The following SH3PXD2A variants were observed in gnomAD, a reference collection of about 807,000 sequenced individuals.
SH3PXD2A encodes SH3 and PX domain-containing protein 2A.
In SH3PXD2A, 32 loss-of-function variants were observed where a neutral mutation model predicts 115.2. The ratio of observed to expected loss-of-function variants is 0.28; its 90% confidence interval spans 0.21 to 0.37. The LOEUF (loss-of-function observed/expected upper bound fraction) is 0.37, where lower values mean the gene tolerates loss of function less well. Among genes scored for constraint, SH3PXD2A ranks in the 10% least tolerant of loss-of-function variants. The pLI is 1.00. For missense variants in SH3PXD2A, 1,328 were observed against 1,498.7 expected, an observed-to-expected ratio of 0.89 and a Z score of 1.88; for synonymous variants, 610 against 629.1, an observed-to-expected ratio of 0.97 and a Z score of 0.45.
chr10:103,659,480 T>G (rs1272539606), intron 8 of SH3PXD2A, among the ~76,000 whole-genome samples: 1 of 152,152 alleles, frequency 6.6e-6, no homozygotes, highest in Non-Finnish European at 1.5e-5. Context: ...CTTTGGGTCT[T>G]CAGGTACTGG....
At chr10:103,640,322 TAA>T (rs34209665) in intron 8 of SH3PXD2A, among the ~76,000 whole-genome samples, 39 of 145,248 alleles carry the variant, frequency 2.7e-4, no homozygotes, top group South Asian at 4.4e-4. Context: ...CTAAAAAAAT[TAA>T]AAAAAAAAAA....
At chr10:103,608,989 C>A (rs1051576055) in intron 13 of SH3PXD2A, 2 of 151,222 alleles carry the variant, frequency 1.3e-5, no homozygotes, top group East Asian at 1.9e-4. Flanking sequence ...CACACACATA[C>A]ACACACACAC....
At chr10:103,776,115 C>T (rs775032145) in intron 2 of SH3PXD2A, among the ~76,000 whole-genome samples, 3 of 152,074 alleles carry the variant, frequency 2.0e-5, no homozygotes, top group Non-Finnish European at 2.9e-5. Context: ...AGCCGGACAC[C>T]GTGGCTCATG....
At chr10:103,708,186 C>G (rs182215499) in intron 5 of SH3PXD2A, among the ~76,000 whole-genome samples, 138 of 152,354 alleles carry the variant, frequency 9.1e-4, no homozygotes, top group East Asian at 6.9e-3. Flanking sequence ...TTCCTGATAA[C>G]CTTTGTTGGC....
chr10:103,741,527 AT>A (rs370618276), intron 3 of SH3PXD2A, among the ~76,000 whole-genome samples: 25 of 152,252 alleles, frequency 1.6e-4, no homozygotes, highest in African/African-American at 6.0e-4. Context: ...GGGATCCCTG[AT>A]TTATAGCAAC....
chr10:103,662,361 G>GGGGT (rs2037321883), intron 7 of SH3PXD2A, among the ~76,000 whole-genome samples: 2 of 104,478 alleles, frequency 1.9e-5, no homozygotes, highest in African/African-American at 3.9e-5. Context: ...GGCGGGGGGG[G>GGGGT]ATAAGACACT....
At chr10:103,761,123 C>T (rs1293212164) in intron 3 of SH3PXD2A, among the ~76,000 whole-genome samples, 1 of 152,200 alleles carries the variant, frequency 6.6e-6, no homozygotes, top group African/African-American at 2.4e-5. Context: ...GCTTGTTTAA[C>T]AGCACTCTCC....
intron 5 of SH3PXD2A, among the ~76,000 whole-genome samples, chr10:103,704,156 G>A (rs1029550720): frequency 1.3e-5 from 2 of 152,178 alleles, no homozygotes; most frequent in African/African-American, 4.8e-5. Flanking sequence ...GAGAGGGAGG[G>A]ACTCTGGAAG....
chr10:103,818,039 T>C (rs920885948), intron 1 of SH3PXD2A, among the ~76,000 whole-genome samples: 5 of 152,256 alleles, frequency 3.3e-5, no homozygotes, highest in Admixed American at 3.3e-4. Context: ...AACCATTTAA[T>C]TGTACACTTC....
intron 1 of SH3PXD2A, among the ~76,000 whole-genome samples, chr10:103,833,176 T>C (rs1485494156): frequency 6.6e-6 from 1 of 152,234 alleles, no homozygotes; most frequent in Non-Finnish European, 1.5e-5. Flanking sequence ...GCCCTTTATG[T>C]TACGTCTTTT....
rs1350150953 is a variant in SH3PXD2A, at chr10:103,594,976, T to C, written c.*6840A>G. On this transcript the variant is annotated 3_prime_UTR_variant, in exon 15 of 15. Coordinates refer to ENST00000369774, the MANE Select transcript of SH3PXD2A (RefSeq NM_001394015.1). ...AGGTGGGTCCCTACTGTATGACCCA[T>C]TGTGGTCACTGCTCTTTGAGCCATA... 2 of 152,220 alleles carry C rather than the reference T, an allele frequency of 1.3e-5. No individual in the cohort carries two copies. The highest frequency in any genetic ancestry group is 2.9e-5 in the Non-Finnish European group (2 of 68,042). 9.4% of individuals were successfully genotyped at this position (152,220 alleles called of 1,614,324 possible).
chr10:103,825,759 C>CA (rs2039423859), intron 1 of SH3PXD2A, among the ~76,000 whole-genome samples: 1 of 109,298 alleles, frequency 9.1e-6, no homozygotes, highest in South Asian at 3.2e-4. Flanking sequence ...GCATCCGTAA[C>CA]AAATTTTTTT....
chr10:103,847,185 G>A (rs10748854), intron 1 of SH3PXD2A, among the ~76,000 whole-genome samples: 131,972 of 151,882 alleles, frequency 0.87, 58,528 homozygotes, highest in East Asian at 0.99. Context: ...TCTTGCTGTT[G>A]CCGAGGCTGG....
At chr10:103,668,849 C>T (rs1011597867) in intron 6 of SH3PXD2A, among the ~76,000 whole-genome samples, 197 bp from the exon 7 acceptor site, 1 of 152,232 alleles carries the variant, frequency 6.6e-6, no homozygotes, top group Admixed American at 6.5e-5. Context: ...ATTACAGAGG[C>T]GCTGGGACAC....
chr10:103,659,441 T>A (rs1564856468), intron 8 of SH3PXD2A, among the ~76,000 whole-genome samples: 1 of 152,120 alleles, frequency 6.6e-6, no homozygotes, highest in Non-Finnish European at 1.5e-5. Context: ...TCGCCTGAGG[T>A]CTCCCATGTC....
intron 4 of SH3PXD2A, among the ~76,000 whole-genome samples, chr10:103,734,949 G>A (rs2038363547): frequency 6.6e-6 from 1 of 152,222 alleles, no homozygotes; most frequent in African/African-American, 2.4e-5. Context: ...GAGGCACCCT[G>A]TGTGTTCTCC....
chr10:103,736,035 G>A (rs2038376906), intron 3 of SH3PXD2A, among the ~76,000 whole-genome samples: 1 of 152,214 alleles, frequency 6.6e-6, no homozygotes, highest in African/African-American at 2.4e-5. Flanking sequence ...CCTGGAGGCT[G>A]CCATCTTGGG....
Position 103,596,663 on chromosome 10 carries a change from A to ACACACACACACTCTCTCTCTCTCTCT in SH3PXD2A, c.*5152_*5153insAGAGAGAGAGAGAGAGTGTGTGTGTG. ...CACACACACACACACACACACACAC[A>ACACACACACACTCTCTCTCTCTCTCT]CTCTCTCTCTCTCTCTCTCTCTCAC... On this transcript the variant is annotated 3_prime_UTR_variant, in exon 15 of 15. Coordinates refer to ENST00000369774, the MANE Select transcript of SH3PXD2A (RefSeq NM_001394015.1). 4.0e-5 allele frequency: 5 copies of ACACACACACACTCTCTCTCTCTCTCT among 124,510 alleles called. No homozygotes were observed. The highest frequency in any genetic ancestry group is 1.6e-4 in the African/African-American group (5 of 31,752). The allele number at this position is 124,510 out of a possible 1,614,324, so 7.7% of individuals were successfully genotyped here.
chr10:103,753,495 C>CAAAAAA (rs58148179), intron 3 of SH3PXD2A, among the ~76,000 whole-genome samples: 10 of 65,392 alleles, frequency 1.5e-4, no homozygotes, highest in Non-Finnish European at 2.4e-4. Context: ...GACCCCATCT[C>CAAAAAA]AAAAAAAAAA....
Sources: gnomAD v4.1 joint callset for allele counts (sites outside exome capture counted in the v4.1 genomes callset) on GRCh38, gnomAD v4.1.1 for gene constraint, MANE v1.5 for transcripts, NCBI Gene and HGNC (gene_info 2026-07-23, HGNC 2026-07-21) for gene names.